Variants in EFCAB6 observed in about 807,000 individuals in gnomAD.
EFCAB6 encodes EF-hand calcium-binding domain-containing protein 6.
A neutral mutation model predicts 169.8 loss-of-function variants in EFCAB6; 156 were observed. The observed-to-expected ratio is 0.92, with a 90% confidence interval of 0.81 to 1.05. EFCAB6 has a LOEUF of 1.05. Among genes scored for constraint, EFCAB6 ranks in the 50% least tolerant of loss-of-function variants. The pLI is 0.00. For missense variants in EFCAB6, 1,800 were observed against 1,829.1 expected, an observed-to-expected ratio of 0.98 and a Z score of 0.29; for synonymous variants, 698 against 676.4, an observed-to-expected ratio of 1.03 and a Z score of -0.50.
At chr22:43,606,471 C>T (rs2052925345) in intron 22 of EFCAB6, among the ~76,000 whole-genome samples, 2 of 152,216 alleles carry the variant, frequency 1.3e-5, no homozygotes, top group African/African-American at 4.8e-5. Flanking sequence ...TTACTGCATG[C>T]CACGCCCTGG....
intron 10 of EFCAB6, among the ~76,000 whole-genome samples, chr22:43,710,420 T>C (rs567649521): frequency 3.9e-5 from 6 of 152,194 alleles, no homozygotes; most frequent in African/African-American, 1.4e-4. Flanking sequence ...CTTAAAGTAA[T>C]GAGTTCTTAA....
intron 6 of EFCAB6, among the ~76,000 whole-genome samples, chr22:43,752,750 T>C (rs1249344700): frequency 6.6e-6 from 1 of 152,176 alleles, no homozygotes; most frequent in African/African-American, 2.4e-5. Context: ...GTAGGTGTGT[T>C]AGTCAGTCCT....
rs545419907 is a variant in EFCAB6, at chr22:43,675,582, A to G, written c.1419+2414T>C. Among the ~76,000 whole-genome samples the G allele has an allele frequency of 3.6e-4, 52 of 144,810 alleles. No individual in the cohort carries two copies. In the South Asian group the frequency reaches 0.011, roughly 29 times the overall value. ...ATATATCCAGATATAGTATATTTAT[A>G]TGATAATTATACTATATATCTGATA... On this transcript the variant is annotated intron_variant, in intron 13 of 31. Coordinates refer to ENST00000262726, the MANE Select transcript of EFCAB6 (RefSeq NM_022785.4).
At position 43,755,759 on chromosome 22, in the gene EFCAB6, C is replaced by G. The variant is rs768997809; in HGVS notation, c.507+7G>C. The G allele has an allele frequency of 4.4e-6, 7 of 1,601,086 alleles. No individual in the cohort carries two copies. The highest frequency in any genetic ancestry group is 1.4e-5 in the African/African-American group (1 of 74,054). On this transcript the variant is annotated splice_region_variant and intron_variant, in intron 6 of 31. Coordinates refer to ENST00000262726, the MANE Select transcript of EFCAB6 (RefSeq NM_022785.4). The stretch of plus-strand genomic sequence containing the variant: ...GGGGGAAATCATTTCTTTAAAATCT[C>G]TATTACCTTTTCTCCCACTTGGATT...
intron 17 of EFCAB6, among the ~76,000 whole-genome samples, chr22:43,637,761 A>G (rs976334087): frequency 2.6e-5 from 4 of 152,260 alleles, no homozygotes; most frequent in African/African-American, 7.2e-5. Context: ...AGCCTGTCCC[A>G]GCACAGGATG....
chr22:43,693,786 T>C (rs2058485850), intron 10 of EFCAB6, among the ~76,000 whole-genome samples: 1 of 151,984 alleles, frequency 6.6e-6, no homozygotes, highest in South Asian at 2.1e-4. Flanking sequence ...AGAAATATTA[T>C]AAATAGCATT....
intron 8 of EFCAB6, among the ~76,000 whole-genome samples, chr22:43,723,551 G>A (rs369104929): frequency 2.6e-5 from 4 of 152,142 alleles, no homozygotes; most frequent in Non-Finnish European, 5.9e-5. Flanking sequence ...AAAATGTATT[G>A]GGTTTTAAAT....
At chr22:43,738,449 A>G (rs928110917) in intron 6 of EFCAB6, among the ~76,000 whole-genome samples, 1 of 151,558 alleles carries the variant, frequency 6.6e-6, no homozygotes. Context: ...ACATATACTC[A>G]CATACACCAT....
chr22:43,683,916 T>C, intron 11 of EFCAB6, 61 bp from the exon 12 acceptor site: 2 of 1,346,082 alleles, frequency 1.5e-6, no homozygotes, highest in Non-Finnish European at 2.1e-6. Context: ...TGTTCTTTTC[T>C]TAATGCAAGA....
intron 19 of EFCAB6, among the ~76,000 whole-genome samples, chr22:43,627,463 G>T (rs181151262): frequency 6.6e-6 from 1 of 152,306 alleles, no homozygotes; most frequent in East Asian, 1.9e-4. Context: ...TGCGTCCTTG[G>T]GTTGTTTGTG....
At chr22:43,784,772 G>A (rs978583284) in intron 2 of EFCAB6, among the ~76,000 whole-genome samples, 2 of 148,904 alleles carry the variant, frequency 1.3e-5, no homozygotes, top group African/African-American at 4.9e-5. Context: ...AGCTACTTGG[G>A]AGGCTCACAT....
At position 43,652,440 on chromosome 22, in the gene EFCAB6, C is replaced by T. The variant is rs2056518581; in HGVS notation, c.1983+14664G>A. On this transcript the variant is annotated intron_variant, in intron 17 of 31. Coordinates refer to ENST00000262726, the MANE Select transcript of EFCAB6 (RefSeq NM_022785.4). ...CTTTCTTTTGTAAATTTTTCAGTCT[C>T]AGGTATGTCTTCATCAGCAGCGTGA... Among the ~76,000 whole-genome samples the T allele has an allele frequency of 3.9e-5, 6 of 152,158 alleles. No individual in the cohort carries two copies. In the South Asian group the frequency reaches 1.2e-3, roughly 32 times the overall value.
chr22:43,635,219 G>T lies in EFCAB6; in HGVS notation c.1984-3C>A. On this transcript the variant is annotated splice_region_variant and splice_polypyrimidine_tract_variant and intron_variant, in intron 17 of 31. Transcript: ENST00000262726. ...GGCATCCCAGTGTCTTCCAGTACCT[G>T]ACGAGGGAGACAGGGGAGGGTGGAG... The T allele has an allele frequency of 6.2e-7, 1 of 1,611,120 alleles. No homozygotes were observed. The highest frequency in any genetic ancestry group is 8.5e-7 in the Non-Finnish European group (1 of 1,177,294).
At chr22:43,794,983 A>G (rs1314804994) in intron 2 of EFCAB6, among the ~76,000 whole-genome samples, 1 of 152,140 alleles carries the variant, frequency 6.6e-6, no homozygotes, top group East Asian at 1.9e-4. Flanking sequence ...AGGCAACACT[A>G]TGGCCACGCA....
chr22:43,560,688 T>A (rs2048974465), intron 26 of EFCAB6, among the ~76,000 whole-genome samples: 1 of 152,092 alleles, frequency 6.6e-6, no homozygotes, highest in African/African-American at 2.4e-5. Flanking sequence ...AAACCCAGCG[T>A]GGGAGGTAAC....
chr22:43,696,616 A>G (rs963042169), intron 10 of EFCAB6, among the ~76,000 whole-genome samples: 8 of 152,220 alleles, frequency 5.3e-5, no homozygotes, highest in African/African-American at 1.9e-4. Context: ...TGACTCAGCA[A>G]TGAAAATTAA....
intron 20 of EFCAB6, among the ~76,000 whole-genome samples, chr22:43,623,787 T>TA (rs1377025188): frequency 6.8e-6 from 1 of 147,568 alleles, no homozygotes; most frequent in Non-Finnish European, 1.5e-5. Context: ...TGGGCGCCTG[T>TA]AGTCCCAGCT....
At position 43,773,078 on chromosome 22, in the gene EFCAB6, C is replaced by A. The variant is rs778709830; in HGVS notation, c.165G>T (p.Leu55=). 1.2e-6 allele frequency: 2 copies of A among 1,614,064 alleles called. No homozygotes were observed. Among genetic ancestry groups the A allele is most frequent in the African/African-American group, 1.3e-5 (1 of 74,922 alleles). Residue 55 remains leucine (L), a synonymous_variant, in exon 4 of 32, where the codon CTG becomes CTT. Coordinates refer to ENST00000262726, the MANE Select transcript of EFCAB6 (RefSeq NM_022785.4). ...AAATCCGTTTAACATCTAAGGAGGA[C>A]AGTGTTGGATTTGCAACAGCTGTGG... ...SSTTAVANPT[L]SSLDVKRILF...
intron 7 of EFCAB6, 40 bp downstream of exon 7, chr22:43,735,817 T>C (rs2060115884): frequency 6.2e-7 from 1 of 1,604,616 alleles, no homozygotes; most frequent in East Asian, 2.2e-5. Flanking sequence ...TGGTTAAAAG[T>C]TCTACTGAGC....
Sources: gnomAD v4.1 joint callset for allele counts (sites outside exome capture counted in the v4.1 genomes callset) on GRCh38, gnomAD v4.1.1 for gene constraint, MANE v1.5 for transcripts, NCBI Gene and HGNC (gene_info 2026-07-23, HGNC 2026-07-21) for gene names.